Variants in DGKD observed in about 807,000 individuals in gnomAD.
DGKD encodes the protein DAG kinase delta.
Under a neutral mutation model 154.4 loss-of-function variants are expected in DGKD, and 68 were observed. The observed-to-expected ratio is 0.44, with a 90% CI of 0.36 to 0.54. The LOEUF (loss-of-function observed/expected upper bound fraction) is 0.54, where lower values mean the gene tolerates loss of function less well. Ranked by LOEUF, DGKD falls within the 20% of genes least tolerant of loss-of-function variation. DGKD has a pLI of 0.00. For missense variants in DGKD, 1,343 were observed against 1,593.6 expected, an observed-to-expected ratio of 0.84 and a Z score of 2.68; for synonymous variants, 693 against 638.0, an observed-to-expected ratio of 1.09 and a Z score of -1.30.
At chr2:233,422,232 G>A (rs1575087900) in intron 3 of DGKD, among the ~76,000 whole-genome samples, 2 of 152,274 alleles carry the variant, frequency 1.3e-5, no homozygotes, top group South Asian at 4.1e-4. Context: ...GCAGGAGCCT[G>A]CGATTCTGAC....
intron 16 of DGKD, among the ~76,000 whole-genome samples, chr2:233,450,667 A>T (rs1257594223): frequency 6.6e-6 from 1 of 151,726 alleles, no homozygotes; most frequent in East Asian, 1.9e-4. Flanking sequence ...CACAGCCCGG[A>T]CTGACTGGGC....
chr2:233,416,363 C>G (rs899133716), intron 3 of DGKD, among the ~76,000 whole-genome samples: 2 of 152,136 alleles, frequency 1.3e-5, no homozygotes, highest in Admixed American at 6.5e-5. Context: ...AAGACTTTGT[C>G]CTAAGGGTGA....
intron 3 of DGKD, among the ~76,000 whole-genome samples, chr2:233,411,237 T>C (rs943682147): frequency 6.6e-6 from 1 of 152,184 alleles, no homozygotes; most frequent in Non-Finnish European, 1.5e-5. Flanking sequence ...ATATAGTAGG[T>C]ATATGTTTAA....
intron 1 of DGKD, among the ~76,000 whole-genome samples, chr2:233,380,994 C>G (rs1247782129): frequency 6.6e-6 from 1 of 152,028 alleles, no homozygotes; most frequent in East Asian, 1.9e-4. Flanking sequence ...ATTGGATTCT[C>G]TTGATGGGTA....
At chr2:233,379,004 C>G (rs1001821481) in intron 1 of DGKD, among the ~76,000 whole-genome samples, 3 of 152,240 alleles carry the variant, frequency 2.0e-5, no homozygotes, top group African/African-American at 7.2e-5. Context: ...GTAGCCCAGC[C>G]TGGTTGGCAG....
At chr2:233,446,881 C>A in intron 12 of DGKD, 85 bp downstream of exon 12, 1 of 1,470,548 alleles carries the variant, frequency 6.8e-7, no homozygotes, top group South Asian at 1.2e-5. Flanking sequence ...ACCTCCCTTG[C>A]AGAGACGCCT....
intron 1 of DGKD, among the ~76,000 whole-genome samples, chr2:233,379,081 C>T (rs1158937437): frequency 6.6e-6 from 1 of 152,148 alleles, no homozygotes; most frequent in Non-Finnish European, 1.5e-5. Context: ...GATAAATAAA[C>T]CCACTGAACC....
chr2:233,423,312 G>T (rs760533237), intron 3 of DGKD, among the ~76,000 whole-genome samples: 40 of 152,090 alleles, frequency 2.6e-4, no homozygotes, highest in Non-Finnish European at 4.1e-4. Context: ...TCACATGCTT[G>T]GTTTTTTAAG....
intron 1 of DGKD, among the ~76,000 whole-genome samples, chr2:233,375,411 C>A (rs990597202): frequency 2.2e-4 from 33 of 151,980 alleles, no homozygotes; most frequent in Non-Finnish European, 8.8e-5. Flanking sequence ...TAAAAAGTAA[C>A]CTCCAGCAAA....
chr2:233,466,580 A>G (rs1222963974), intron 27 of DGKD, among the ~76,000 whole-genome samples: 2 of 152,116 alleles, frequency 1.3e-5, no homozygotes, highest in Admixed American at 6.5e-5. Context: ...ATGGCTGTCA[A>G]GAGCAGAGGC....
At chr2:233,358,602 C>CT (rs1301560557) in intron 1 of DGKD, among the ~76,000 whole-genome samples, 1 of 152,178 alleles carries the variant, frequency 6.6e-6, no homozygotes. Flanking sequence ...CAAGAATCTA[C>CT]TTTCTGTCTC....
intron 1 of DGKD, among the ~76,000 whole-genome samples, chr2:233,378,002 G>C (rs1465270483): frequency 6.6e-6 from 1 of 151,994 alleles, no homozygotes; most frequent in East Asian, 1.9e-4. Context: ...GTAGAGACAG[G>C]GTCTGTGTTG....
intron 1 of DGKD, among the ~76,000 whole-genome samples, chr2:233,357,851 A>C (rs570393806): frequency 1.5e-3 from 236 of 152,306 alleles, no homozygotes; most frequent in African/African-American, 5.0e-3. Flanking sequence ...ATGCATTTCT[A>C]ACAAGCTCCC....
intron 29 of DGKD, 139 bp downstream of exon 29, chr2:233,468,692 G>C (rs768870403): frequency 1.0e-4 from 142 of 1,364,766 alleles, no homozygotes; most frequent in Non-Finnish European, 1.3e-4. Flanking sequence ...AGGTGGGGGC[G>C]GCTGTGGCCC....
chr2:233,442,274 C>T, intron 10 of DGKD: 2 of 570,652 alleles, frequency 3.5e-6, no homozygotes, highest in Non-Finnish European at 6.7e-6. Flanking sequence ...ACATGGGGAG[C>T]AGGGCTGGGT....
At chr2:233,379,545 CCCA>C (rs1283173305) in intron 1 of DGKD, among the ~76,000 whole-genome samples, 2 of 152,154 alleles carry the variant, frequency 1.3e-5, no homozygotes, top group Non-Finnish European at 2.9e-5. Flanking sequence ...CCTGCCCCCT[CCCA>C]CACTGATGCT....
intron 19 of DGKD, among the ~76,000 whole-genome samples, chr2:233,455,743 C>G (rs1201654515): frequency 6.6e-6 from 1 of 152,260 alleles, no homozygotes; most frequent in Non-Finnish European, 1.5e-5. Flanking sequence ...CATGGCGTCA[C>G]TGCCACCTTG....
chr2:233,388,559 A>G, intron 2 of DGKD, 192 bp downstream of exon 2: 1 of 495,728 alleles, frequency 2.0e-6, no homozygotes, highest in Non-Finnish European at 3.5e-6. Flanking sequence ...ATCAAAATTA[A>G]TTTCTGTTCA....
chr2:233,363,777 C>T (rs902833617), intron 1 of DGKD, among the ~76,000 whole-genome samples: 4 of 152,242 alleles, frequency 2.6e-5, no homozygotes, highest in South Asian at 2.1e-4. Context: ...AAATACTTGC[C>T]GTTGAGTTAT....
Sources: allele counts gnomAD v4.1 joint callset (sites outside exome capture counted in the v4.1 genomes callset), GRCh38; gene constraint gnomAD v4.1.1; transcripts MANE v1.5; gene names NCBI Gene and HGNC (gene_info 2026-07-23, HGNC 2026-07-21).